Variants in C6orf132 observed in about 807,000 individuals in gnomAD.
The protein encoded by C6orf132 is chromosome 6 open reading frame 132.
A neutral mutation model predicts 65.3 loss-of-function variants in C6orf132; 43 were observed. The observed-to-expected ratio is 0.66, with a 90% confidence interval of 0.52 to 0.85. The LOEUF (loss-of-function observed/expected upper bound fraction) is 0.85, where lower values mean the gene tolerates loss of function less well. Ranked by LOEUF, C6orf132 falls within the 40% of genes least tolerant of loss-of-function variation. The pLI is 0.00. For missense variants in C6orf132, 1,488 were observed against 1,548.8 expected (o/e 0.96, Z 0.66); for synonymous variants, 631 against 654.1 (o/e 0.96, Z 0.54).
intron 1 of C6orf132, among the ~76,000 whole-genome samples, chr6:42,133,807 T>C (rs925999220): frequency 1.5e-5 from 1 of 67,060 alleles, no homozygotes; most frequent in Non-Finnish European, 2.4e-5. Context: ...TTCTCCCTCA[T>C]AGAAGGAGAC....
At chr6:42,130,683 T>C (rs946791743) in intron 1 of C6orf132, among the ~76,000 whole-genome samples, 2 of 152,150 alleles carry the variant, frequency 1.3e-5, no homozygotes, top group Non-Finnish European at 2.9e-5. Context: ...CCTAGGAGCT[T>C]TAGAAGTGTT....
chr6:42,130,375 C>T (rs1179521636), intron 1 of C6orf132, among the ~76,000 whole-genome samples: 1 of 152,222 alleles, frequency 6.6e-6, no homozygotes, highest in Non-Finnish European at 1.5e-5. Context: ...TCACACCCAA[C>T]AGCCACCACG....
At chr6:42,118,801 C>T (rs951993663) in intron 2 of C6orf132, among the ~76,000 whole-genome samples, 3 of 151,826 alleles carry the variant, frequency 2.0e-5, no homozygotes, top group South Asian at 2.1e-4. Flanking sequence ...CTAAGACCAT[C>T]GGTCACTTCA....
chr6:42,129,899 A>G (rs1315888141), intron 1 of C6orf132, among the ~76,000 whole-genome samples: 1 of 152,228 alleles, frequency 6.6e-6, no homozygotes, highest in African/African-American at 2.4e-5. Context: ...CTCCTTGTAC[A>G]TGACTTTAGG....
intron 2 of C6orf132, among the ~76,000 whole-genome samples, chr6:42,119,231 A>G: frequency 7.9e-6 from 1 of 126,246 alleles, no homozygotes; most frequent in East Asian, 2.5e-4. Context: ...CCTGGGCACA[A>G]GAGCAAGACT....
intron 1 of C6orf132, among the ~76,000 whole-genome samples, chr6:42,138,784 A>G (rs1766990364): frequency 6.6e-6 from 1 of 151,536 alleles, no homozygotes; most frequent in South Asian, 2.1e-4. Context: ...CTTTGTCTCC[A>G]GTAACAGCCC....
At chr6:42,135,297 G>T (rs1467024641) in intron 1 of C6orf132, among the ~76,000 whole-genome samples, 1 of 152,202 alleles carries the variant, frequency 6.6e-6, no homozygotes, top group East Asian at 1.9e-4. Context: ...CCTAGCAGGG[G>T]TCAAACATGG....
chr6:42,136,900 G>A (rs1331073629), intron 1 of C6orf132, among the ~76,000 whole-genome samples: 1 of 152,168 alleles, frequency 6.6e-6, no homozygotes, highest in African/African-American at 2.4e-5. Context: ...CCCCAGCCCT[G>A]CAGGTGGGAC....
At chr6:42,117,488 T>C (rs1054932904) in intron 2 of C6orf132, among the ~76,000 whole-genome samples, 2 of 152,054 alleles carry the variant, frequency 1.3e-5, no homozygotes, top group Non-Finnish European at 1.5e-5. Flanking sequence ...AGTTGATGAC[T>C]GTAGTCCCTG....
In C6orf132 at chr6:42,104,374, T is replaced by A; in HGVS notation, c.3449+89A>T. 5.7e-6 allele frequency: 7 copies of A among 1,224,586 alleles called. No individual in the cohort carries two copies. The highest frequency in any genetic ancestry group is 1.6e-5 in the African/African-American group (1 of 64,220). 75.9% of individuals were successfully genotyped at this position (1,224,586 alleles called of 1,614,324 possible). ...AGGCCGAAGGGAGAAAACCAAATGT[T>A]TTCTCTTGACGGATGGCCGGGACTC... On this transcript the variant is annotated intron_variant, in intron 4 of 4. Transcript: ENST00000341865. This position sits in a 1 kb window ranked among gnomAD's most constrained non-coding sequence, Gnocchi z 4.1.
chr6:42,119,824 G>A (rs1345710605), intron 2 of C6orf132, among the ~76,000 whole-genome samples: 7 of 151,696 alleles, frequency 4.6e-5, no homozygotes, highest in African/African-American at 1.7e-4. Context: ...GGCCAGGGGC[G>A]GGTGCTCATG....
chr6:42,105,089 C>CT lies in C6orf132; in HGVS notation c.2822dup (p.Ala942GlyfsTer54). 2 of 1,537,026 alleles carry CT rather than the reference C, an allele frequency of 1.3e-6. No individual in the cohort carries two copies. Among genetic ancestry groups the CT allele is most frequent in the Non-Finnish European group, 8.7e-7 (1 of 1,146,876 alleles). ...CTACTCTTTCCCAGGCCACAGGGGC[C>CT]TGGGGCTCTGGCTTTGTCCAGTTGT... On this transcript the variant is annotated frameshift_variant, in exon 4 of 5. Coordinates refer to ENST00000341865, the MANE Select transcript of C6orf132 (RefSeq NM_001164446.3). LOFTEE classifies it high-confidence loss of function.
Position 42,124,510 on chromosome 6 carries a change from C to T in C6orf132, c.252+4162G>A, listed in dbSNP as rs955008875. ...CCTGACTTCTTGGGCACTGCTACCT[C>T]GTACCTCCCCTACCCACTGGGCAGC... On this transcript the variant is annotated intron_variant, in intron 2 of 4. Transcript: ENST00000341865. The surrounding 1 kb of genome is among the most constrained non-coding windows in gnomAD (Gnocchi z 4.0). Among the ~76,000 whole-genome samples, 2 of 152,202 alleles carry T rather than the reference C, an allele frequency of 1.3e-5. No homozygotes were observed. The highest frequency in any genetic ancestry group is 6.5e-5 in the Admixed American group (1 of 15,284).
Position 42,107,033 on chromosome 6 carries a change from C to A in C6orf132, c.879G>T (p.Glu293Asp). 6.5e-7 allele frequency: 1 copy of A among 1,526,732 alleles called. No individual in the cohort carries two copies. The highest frequency in any genetic ancestry group is 2.0e-5 in the Admixed American group (1 of 50,108). 94.6% of individuals were successfully genotyped at this position (1,526,732 alleles called of 1,614,324 possible). ...AAGAACGGGGGAAGGTGAGATGGGG[C>A]TCTGGGTTAGGTCCCAGGGCGCTCC... Reference protein sequence around the residue: ...PKGSALGPNPEPHLTFPRSFK... With the variant: ...PKGSALGPNPDPHLTFPRSFK... Residue 293 changes from glutamate to aspartate, a missense_variant, in exon 4 of 5, where the codon GAG becomes GAT. By Grantham distance (45) the Glu-to-Asp change is conservative. Coordinates refer to ENST00000341865, the MANE Select transcript of C6orf132 (RefSeq NM_001164446.3).
intron 3 of C6orf132, among the ~76,000 whole-genome samples, 172 bp downstream of exon 3, chr6:42,110,044 G>A (rs1562034737): frequency 6.6e-6 from 1 of 152,188 alleles, no homozygotes; most frequent in Non-Finnish European, 1.5e-5. Flanking sequence ...CAGCCCCACT[G>A]CCCTAGCCCA....
At chr6:42,123,683 C>T (rs1766725293) in intron 2 of C6orf132, among the ~76,000 whole-genome samples, 1 of 152,164 alleles carries the variant, frequency 6.6e-6, no homozygotes, top group African/African-American at 2.4e-5. Flanking sequence ...GAGAAAGGAT[C>T]ACCCCTCACT....
rs1199024456 is a variant in C6orf132, at chr6:42,104,915, C to CG, written c.2996dup (p.Ala1000GlyfsTer196). The CG allele has an allele frequency of 6.9e-7, 1 of 1,455,848 alleles. No individual in the cohort carries two copies. Among genetic ancestry groups the CG allele is most frequent in the Non-Finnish European group, 9.0e-7 (1 of 1,108,332 alleles). 90.2% of individuals were successfully genotyped at this position (1,455,848 alleles called of 1,614,324 possible). A position where few individuals can be genotyped will look rare whatever the true frequency, so the allele number is the denominator to read the frequency against. On this transcript the variant is annotated frameshift_variant, in exon 4 of 5. Transcript: ENST00000341865. LOFTEE classifies it high-confidence loss of function. This position sits in a 1 kb window ranked among gnomAD's most constrained non-coding sequence, Gnocchi z 4.1. ...GGCCCAGATACTGGAGGGCCGGGGC[C>CG]GGGGGCTCAGGGTCATTGCTGAACT...
intron 2 of C6orf132, among the ~76,000 whole-genome samples, chr6:42,123,368 G>A (rs1254577873): frequency 2.0e-5 from 3 of 147,948 alleles, no homozygotes; most frequent in Non-Finnish European, 4.5e-5. Flanking sequence ...GGGTGACAGA[G>A]ACAGACTCCA....
At chr6:42,111,685 A>C (rs1766497993) in intron 2 of C6orf132, among the ~76,000 whole-genome samples, 1 of 152,174 alleles carries the variant, frequency 6.6e-6, no homozygotes. Flanking sequence ...TTGGCCTCCC[A>C]AAGTGTGGGG....
Sources: gnomAD v4.1 joint callset for allele counts (sites outside exome capture counted in the v4.1 genomes callset) on GRCh38, gnomAD v4.1.1 for gene constraint, Gnocchi (gnomAD v3.1) non-coding constraint, MANE v1.5 for transcripts, NCBI Gene and HGNC (gene_info 2026-07-23, HGNC 2026-07-21) for gene names.